The following OR1B1 variants were observed in gnomAD, a reference collection of about 807,000 sequenced individuals.
The protein encoded by OR1B1 is olfactory receptor 1B1.
For synonymous variants in OR1B1, 168 were observed against 156.2 expected (o/e 1.08, Z -0.57); for missense variants, 414 against 402.1 (o/e 1.03, Z -0.25).
the OR1B1 span, among the ~76,000 whole-genome samples, chr9:122,649,446 A>C: frequency 2.0e-5 from 3 of 152,232 alleles, no homozygotes; most frequent in African/African-American, 7.2e-5. Context: ...AAAAGAAACT[A>C]TCATCAGAGT....
the OR1B1 span, among the ~76,000 whole-genome samples, chr9:122,654,064 T>C: frequency 6.6e-6 from 1 of 152,186 alleles, no homozygotes; most frequent in Non-Finnish European, 1.5e-5. Flanking sequence ...CTCTATGTAT[T>C]TTTTAATTGA....
the OR1B1 span, among the ~76,000 whole-genome samples, chr9:122,651,660 T>A: frequency 6.6e-6 from 1 of 152,210 alleles, no homozygotes; most frequent in African/African-American, 2.4e-5. Flanking sequence ...CTCATCACTT[T>A]CACTTTTCTG....
At chr9:122,633,006 C>G (rs1286262468), upstream of OR1B1, among the ~76,000 whole-genome samples, 4 of 152,104 alleles carry the variant, frequency 2.6e-5, no homozygotes, top group Admixed American at 6.5e-5. Context: ...TGCAGGGAAA[C>G]TCCCCTTTAT....
At chr9:122,647,386 T>G in the OR1B1 span, among the ~76,000 whole-genome samples, 3 of 151,898 alleles carry the variant, frequency 2.0e-5, no homozygotes, top group African/African-American at 7.3e-5. Context: ...CCAAAACCTA[T>G]GGGATACAGT....
upstream of OR1B1, among the ~76,000 whole-genome samples, chr9:122,631,809 A>C (rs754935001): frequency 6.6e-6 from 1 of 152,150 alleles, no homozygotes; most frequent in South Asian, 2.1e-4. Flanking sequence ...ACACACACAC[A>C]CCTACACCCA....
At chr9:122,630,740 C>T (rs1350051213), upstream of OR1B1, among the ~76,000 whole-genome samples, 2 of 152,130 alleles carry the variant, frequency 1.3e-5, no homozygotes, top group African/African-American at 4.8e-5. Flanking sequence ...GACAGTCTCA[C>T]TCTATCACCC....
the OR1B1 span, among the ~76,000 whole-genome samples, chr9:122,642,129 A>G: frequency 1.3e-5 from 2 of 152,128 alleles, no homozygotes; most frequent in African/African-American, 4.8e-5. Context: ...TGAAAAATAG[A>G]ACATCAAGAA....
upstream of OR1B1, among the ~76,000 whole-genome samples, chr9:122,631,814 C>T (rs957684593): frequency 5.3e-5 from 8 of 152,144 alleles, no homozygotes; most frequent in Admixed American, 2.6e-4. Flanking sequence ...CACACACCTA[C>T]ACCCACACAG....
At chr9:122,629,615 C>CTAGT, upstream of OR1B1, 2 of 861,136 alleles carry the variant, frequency 2.3e-6, no homozygotes, top group South Asian at 1.8e-5. Flanking sequence ...CATAGCATTT[C>CTAGT]TAGTTAATTA....
At chr9:122,657,010 A>G in the OR1B1 span, among the ~76,000 whole-genome samples, 1 of 152,082 alleles carries the variant, frequency 6.6e-6, no homozygotes, top group Non-Finnish European at 1.5e-5. Flanking sequence ...GATTCAATAC[A>G]TATTTCTAGT....
exon 1 of OR1B1, chr9:122,628,907 C>T (rs764858115): frequency 6.2e-7 from 1 of 1,613,974 alleles, no homozygotes; most frequent in Non-Finnish European, 8.5e-7. Flanking sequence ...CATAAGGAAG[C>T]CACCCTCAAA....
chr9:122,642,598 A>G, the OR1B1 span, among the ~76,000 whole-genome samples: 1 of 152,148 alleles, frequency 6.6e-6, no homozygotes. Flanking sequence ...AAGGGAAGGT[A>G]CTTTTAAGTA....
the OR1B1 span, among the ~76,000 whole-genome samples, chr9:122,650,088 T>C: frequency 2.0e-5 from 3 of 152,202 alleles, no homozygotes; most frequent in African/African-American, 7.2e-5. Flanking sequence ...GATGAGTTCA[T>C]GTCCTTTGCA....
the OR1B1 span, among the ~76,000 whole-genome samples, chr9:122,635,953 A>T: frequency 6.6e-6 from 1 of 152,258 alleles, no homozygotes; most frequent in African/African-American, 2.4e-5. Flanking sequence ...CAAAGTGCTG[A>T]GAGAAAATAA....
upstream of OR1B1, among the ~76,000 whole-genome samples, chr9:122,633,036 A>G (rs1467231809): frequency 1.3e-5 from 2 of 152,170 alleles, no homozygotes; most frequent in Admixed American, 1.3e-4. Context: ...AGATCTCATG[A>G]GACTTATTTA....
At chr9:122,629,050 C>A (rs768556378) in exon 1 of OR1B1, 3 of 1,613,930 alleles carry the variant, frequency 1.9e-6, no homozygotes, top group African/African-American at 1.3e-5. Flanking sequence ...GGACGAGTCC[C>A]ACACGCAACA....
upstream of OR1B1, among the ~76,000 whole-genome samples, chr9:122,632,364 G>T (rs1354859982): frequency 6.6e-6 from 1 of 152,064 alleles, no homozygotes; most frequent in Non-Finnish European, 1.5e-5. Context: ...ACATTGAAAT[G>T]AAAAACTCAA....
At chr9:122,653,194 T>C in the OR1B1 span, among the ~76,000 whole-genome samples, 5 of 152,232 alleles carry the variant, frequency 3.3e-5, no homozygotes, top group Non-Finnish European at 5.9e-5. Context: ...TATGTATTAA[T>C]GTAATATGTA....
At chr9:122,628,751 A>G (rs1462809112) in exon 1 of OR1B1, 8 of 1,614,044 alleles carry the variant, frequency 5.0e-6, no homozygotes, top group Non-Finnish European at 6.8e-6. Flanking sequence ...GTAGACACAA[A>G]TGATGGTGCC....
Sources: allele counts gnomAD v4.1 joint callset (sites outside exome capture counted in the v4.1 genomes callset), GRCh38; gene constraint gnomAD v4.1.1; transcripts MANE v1.5; gene names NCBI Gene and HGNC (gene_info 2026-07-23, HGNC 2026-07-21).